The following THSD4 variants were observed in gnomAD, a reference collection of about 807,000 sequenced individuals.
THSD4 encodes the protein thrombospondin type 1 domain containing 4.
In THSD4, 69 loss-of-function variants were observed where a neutral mutation model predicts 119.0. That is an observed-to-expected ratio of 0.58 (90% CI 0.48 to 0.71). The LOEUF is 0.71. Ranked by LOEUF, THSD4 falls within the 30% of genes least tolerant of loss-of-function variation. The probability of loss-of-function intolerance (pLI) is 0.00; values close to 1 mark genes in which losing one functional copy is unlikely to be tolerated. For missense variants in THSD4, 1,393 were observed against 1,391.1 expected, an observed-to-expected ratio of 1.00 and a Z score of -0.02; for synonymous variants, 524 against 540.4, an observed-to-expected ratio of 0.97 and a Z score of 0.42.
chr15:71,197,796 C>T (rs2043733214), intron 3 of THSD4, among the ~76,000 whole-genome samples: 1 of 152,160 alleles, frequency 6.6e-6, no homozygotes, highest in South Asian at 2.1e-4. Flanking sequence ...TACCTGCTGC[C>T]TGTCTGCCCC....
intron 7 of THSD4, among the ~76,000 whole-genome samples, chr15:71,637,866 C>T (rs2050777970): frequency 6.6e-6 from 1 of 151,996 alleles, no homozygotes; most frequent in Admixed American, 6.6e-5. Context: ...GCTGGGATTA[C>T]AGGCACCCGC....
intron 7 of THSD4, among the ~76,000 whole-genome samples, chr15:71,415,769 T>C (rs1470827618): frequency 1.3e-5 from 2 of 152,154 alleles, no homozygotes. Context: ...CTTCCACAAA[T>C]AAGTGAGAAC....
At chr15:71,534,772 A>G (rs1308073731) in intron 7 of THSD4, among the ~76,000 whole-genome samples, 1 of 152,130 alleles carries the variant, frequency 6.6e-6, no homozygotes, top group African/African-American at 2.4e-5. Flanking sequence ...TGAGTTCAGG[A>G]GTTCGAGACC....
chr15:71,263,251 G>A (rs2044422436), intron 6 of THSD4, among the ~76,000 whole-genome samples: 1 of 151,002 alleles, frequency 6.6e-6, no homozygotes, highest in Non-Finnish European at 1.5e-5. Flanking sequence ...AGTTTGCTGG[G>A]GATAATGGCC....
intron 8 of THSD4, among the ~76,000 whole-genome samples, chr15:71,682,585 T>C (rs1210949041): frequency 6.6e-6 from 1 of 151,954 alleles, no homozygotes; most frequent in African/African-American, 2.4e-5. Flanking sequence ...TTTTTTTTTT[T>C]TTCTCAACAT....
chr15:71,409,582 G>A (rs2046655276), intron 6 of THSD4, among the ~76,000 whole-genome samples: 1 of 152,062 alleles, frequency 6.6e-6, no homozygotes, highest in Non-Finnish European at 1.5e-5. Context: ...CATCTTTTGG[G>A]CAGCCAAGGA....
chr15:71,513,206 A>G (rs1342693784), intron 7 of THSD4, among the ~76,000 whole-genome samples: 1 of 152,210 alleles, frequency 6.6e-6, no homozygotes. Context: ...GAAATGTGCC[A>G]TCCTTGCATT....
chr15:71,581,368 T>A (rs866151328), intron 7 of THSD4, among the ~76,000 whole-genome samples: 1 of 152,182 alleles, frequency 6.6e-6, no homozygotes, highest in African/African-American at 2.4e-5. Flanking sequence ...CTTTGAGAAA[T>A]GTCTATTCTG....
intron 3 of THSD4, among the ~76,000 whole-genome samples, chr15:71,193,870 C>T (rs1009262378): frequency 1.1e-4 from 16 of 152,276 alleles, no homozygotes; most frequent in South Asian, 6.2e-4. Flanking sequence ...GCCGCCACGC[C>T]CAGCTAATTT....
intron 4 of THSD4, among the ~76,000 whole-genome samples, chr15:71,221,139 G>C (rs1044899514): frequency 2.6e-5 from 4 of 152,164 alleles, no homozygotes; most frequent in African/African-American, 9.7e-5. Context: ...AAACTGAAGA[G>C]ACTCCTTGGT....
chr15:71,649,012 A>G (rs1445422426), intron 7 of THSD4, among the ~76,000 whole-genome samples: 1 of 152,230 alleles, frequency 6.6e-6, no homozygotes, highest in Non-Finnish European at 1.5e-5. Flanking sequence ...TCTTAGGTGA[A>G]CATTCATGTG....
intron 15 of THSD4, among the ~76,000 whole-genome samples, chr15:71,764,724 G>A (rs776715423): frequency 6.6e-6 from 1 of 152,216 alleles, no homozygotes; most frequent in Non-Finnish European, 1.5e-5. Context: ...GTTCCTGCAG[G>A]AGAGTTTATG....
At chr15:71,758,628 T>C (rs2053583172) in intron 15 of THSD4, among the ~76,000 whole-genome samples, 1 of 152,246 alleles carries the variant, frequency 6.6e-6, no homozygotes, top group Non-Finnish European at 1.5e-5. Flanking sequence ...AAATTGAACG[T>C]GAACCCCACT....
intron 7 of THSD4, among the ~76,000 whole-genome samples, chr15:71,499,513 A>C (rs980802065): frequency 8.1e-5 from 12 of 147,760 alleles, no homozygotes; most frequent in African/African-American, 1.0e-4. Context: ...AAAAAAAAAA[A>C]CATAAAATTG....
chr15:71,628,615 A>G (rs1567070298), intron 7 of THSD4, among the ~76,000 whole-genome samples: 1 of 152,206 alleles, frequency 6.6e-6, no homozygotes, highest in African/African-American at 2.4e-5. Flanking sequence ...GAGGTTCTGC[A>G]TTTTTAACAA....
intron 5 of THSD4, among the ~76,000 whole-genome samples, chr15:71,245,100 G>A (rs2044188696): frequency 6.6e-6 from 1 of 152,150 alleles, no homozygotes; most frequent in African/African-American, 2.4e-5. Context: ...AGGAATCCCA[G>A]GAAATTCTCG....
chr15:71,543,743 G>A (rs569081794), intron 7 of THSD4, among the ~76,000 whole-genome samples: 2 of 152,314 alleles, frequency 1.3e-5, no homozygotes, highest in African/African-American at 2.4e-5. Flanking sequence ...AATCACAGAT[G>A]TGGGCCGGGT....
chr15:71,451,328 G>A (rs1227474175), intron 7 of THSD4, among the ~76,000 whole-genome samples: 1 of 152,194 alleles, frequency 6.6e-6, no homozygotes, highest in Non-Finnish European at 1.5e-5. Context: ...CCTTGGGAGC[G>A]GAGGTGATTG....
At chr15:71,706,543 G>A (rs1391012913) in intron 8 of THSD4, among the ~76,000 whole-genome samples, 1 of 152,180 alleles carries the variant, frequency 6.6e-6, no homozygotes, top group Non-Finnish European at 1.5e-5. Context: ...GACCAGAGAA[G>A]GTTGGTGGAC....
Sources: gnomAD v4.1 joint callset for allele counts (sites outside exome capture counted in the v4.1 genomes callset) on GRCh38, gnomAD v4.1.1 for gene constraint, MANE v1.5 for transcripts, NCBI Gene and HGNC (gene_info 2026-07-23, HGNC 2026-07-21) for gene names.